ADAMTS2: variants seen among roughly 807,000 people sequenced by gnomAD.
The protein encoded by ADAMTS2 is A disintegrin and metalloproteinase with thrombospondin motifs 2.
Under a neutral mutation model 123.0 loss-of-function variants are expected in ADAMTS2, and 50 were observed. The ratio of observed to expected loss-of-function variants is 0.41; its 90% CI spans 0.32 to 0.51. The LOEUF (loss-of-function observed/expected upper bound fraction) is 0.51, where lower values mean the gene tolerates loss of function less well. ADAMTS2 is among the 20% of genes least tolerant of loss of function. The pLI is 0.35. For missense variants in ADAMTS2, 1,494 were observed against 1,705.2 expected (o/e 0.88, Z 2.18); for synonymous variants, 678 against 695.4 (o/e 0.98, Z 0.39).
intron 2 of ADAMTS2, among the ~76,000 whole-genome samples, chr5:179,300,392 T>C (rs1268725875): frequency 6.6e-6 from 1 of 152,256 alleles, no homozygotes; most frequent in African/African-American, 2.4e-5. Context: ...TTTTGTATGT[T>C]CAAAAGTAAT....
chr5:179,327,601 G>A (rs539123502), intron 2 of ADAMTS2, among the ~76,000 whole-genome samples: 3 of 152,246 alleles, frequency 2.0e-5, no homozygotes, highest in Admixed American at 6.5e-5. Flanking sequence ...TCCTGCGTTC[G>A]AAGCTCTACT....
intron 13 of ADAMTS2, among the ~76,000 whole-genome samples, chr5:179,133,547 G>A (rs1251981384): frequency 6.6e-6 from 1 of 151,956 alleles, no homozygotes; most frequent in African/African-American, 2.4e-5. Flanking sequence ...TGGGATTACA[G>A]TCCTGAGCCA....
chr5:179,305,274 C>G (rs1756638857), intron 2 of ADAMTS2, among the ~76,000 whole-genome samples: 1 of 152,146 alleles, frequency 6.6e-6, no homozygotes, highest in African/African-American at 2.4e-5. Flanking sequence ...GGAAGAGCAA[C>G]AGAAATACCT....
At chr5:179,244,468 A>T (rs1470227115) in intron 3 of ADAMTS2, among the ~76,000 whole-genome samples, 1 of 152,204 alleles carries the variant, frequency 6.6e-6, no homozygotes, top group Non-Finnish European at 1.5e-5. Context: ...AAAAACAGAG[A>T]ATTATGAGTA....
At position 179,112,563 on chromosome 5, in the gene ADAMTS2, C is replaced by T. The variant is rs1308998477; in HGVS notation, c.*1304G>A. The T allele has an allele frequency of 2.0e-5, 3 of 152,262 alleles. No individual in the cohort carries two copies. The highest frequency in any genetic ancestry group is 2.9e-5 in the Non-Finnish European group (2 of 68,084). The allele number at this position is 152,262 out of a possible 1,614,324, so 9.4% of individuals were successfully genotyped here. On this transcript the variant is annotated 3_prime_UTR_variant, in exon 22 of 22. Transcript: ENST00000251582. The stretch of plus-strand genomic sequence containing the variant: ...CCCATCTCCCACCCTAAGCCCCCAT[C>T]AGAGGCCACATTTTGCAGGTCACTG...
At chr5:179,218,049 C>T (rs939649303) in intron 3 of ADAMTS2, among the ~76,000 whole-genome samples, 3 of 152,186 alleles carry the variant, frequency 2.0e-5, no homozygotes, top group Admixed American at 1.3e-4. Context: ...TCCTAATGAC[C>T]GCCCTGCAGA....
At chr5:179,324,117 G>A (rs1757251459) in intron 2 of ADAMTS2, among the ~76,000 whole-genome samples, 1 of 152,204 alleles carries the variant, frequency 6.6e-6, no homozygotes, top group African/African-American at 2.4e-5. Context: ...GCAGAAGGTA[G>A]GTCAGTGGTT....
chr5:179,219,957 G>A (rs1765086691), intron 3 of ADAMTS2, among the ~76,000 whole-genome samples: 1 of 152,172 alleles, frequency 6.6e-6, no homozygotes, highest in African/African-American at 2.4e-5. Context: ...GCCTTCAGAG[G>A]CTGGGGCGGG....
At chr5:179,240,015 G>A (rs1467112951) in intron 3 of ADAMTS2, among the ~76,000 whole-genome samples, 1 of 152,164 alleles carries the variant, frequency 6.6e-6, no homozygotes, top group Non-Finnish European at 1.5e-5. Flanking sequence ...CACAGTGAGA[G>A]GAGAGGAATC....
chr5:179,150,325 G>A (rs1763331406), intron 10 of ADAMTS2, among the ~76,000 whole-genome samples: 1 of 152,228 alleles, frequency 6.6e-6, no homozygotes, highest in Non-Finnish European at 1.5e-5. Context: ...GAGGGCCTGT[G>A]GGAAGGGGAA....
chr5:179,146,986 G>A (rs746666801), intron 10 of ADAMTS2, among the ~76,000 whole-genome samples: 1 of 152,152 alleles, frequency 6.6e-6, no homozygotes, highest in Non-Finnish European at 1.5e-5. Flanking sequence ...TCTGCATCTC[G>A]CTTTCATTGC....
chr5:179,227,203 G>A (rs951347908), intron 3 of ADAMTS2, among the ~76,000 whole-genome samples: 4 of 152,140 alleles, frequency 2.6e-5, no homozygotes, highest in African/African-American at 9.7e-5. Context: ...CTGCCCTGCA[G>A]AAAGGAGCTG....
chr5:179,238,380 C>T (rs1278271585), intron 3 of ADAMTS2, among the ~76,000 whole-genome samples: 6 of 152,076 alleles, frequency 3.9e-5, no homozygotes, highest in African/African-American at 1.2e-4. Context: ...CTCTGTGGAG[C>T]GGCCACGCTA....
intron 2 of ADAMTS2, among the ~76,000 whole-genome samples, chr5:179,286,414 C>G (rs931039758): frequency 6.6e-6 from 1 of 151,668 alleles, no homozygotes; most frequent in Non-Finnish European, 1.5e-5. Flanking sequence ...CCAGCACTCC[C>G]AGAGACAGAG....
At position 179,128,616 on chromosome 5, in the gene ADAMTS2, C is replaced by T. The variant is rs1762902620; in HGVS notation, c.2458-498G>A. 6.6e-6 allele frequency among the ~76,000 whole-genome samples: 1 copy of T among 152,180 alleles called. No individual in the cohort carries two copies. ...CCATGTTGGCCAGGCTGGTCTTGAA[C>T]TCCTGACCTCAAGTGATCCACCCGC... is the stretch of plus-strand genomic sequence containing the variant. On this transcript the variant is annotated intron_variant, in intron 16 of 21. Coordinates refer to ENST00000251582, the MANE Select transcript of ADAMTS2 (RefSeq NM_014244.5). This position sits in a 1 kb window ranked among gnomAD's most constrained non-coding sequence, Gnocchi z 4.9.
In ADAMTS2 at chr5:179,181,181, G is replaced by A. The variant is rs373297165; in HGVS notation, c.892-26C>T. On this transcript the variant is annotated intron_variant, in intron 4 of 21. Coordinates refer to ENST00000251582, the MANE Select transcript of ADAMTS2 (RefSeq NM_014244.5). The surrounding 1 kb of genome is among the most constrained non-coding windows in gnomAD (Gnocchi z 4.1). ...CTGAAAGAAACAGGGAGGCATCAGC[G>A]GGAACCACAGGCCCTAGGACTGGCT... 147 of 1,547,716 alleles carry A rather than the reference G, an allele frequency of 9.5e-5. No homozygotes were observed. The highest frequency in any genetic ancestry group is 1.2e-4 in the Non-Finnish European group (133 of 1,119,932).
At chr5:179,301,642 C>T (rs1235709843) in intron 2 of ADAMTS2, among the ~76,000 whole-genome samples, 1 of 152,256 alleles carries the variant, frequency 6.6e-6, no homozygotes, top group Admixed American at 6.5e-5. Context: ...CACTGGGCAG[C>T]ACCTGAGTAA....
At position 179,158,956 on chromosome 5, in the gene ADAMTS2, G is replaced by A. The variant is rs1267209625; in HGVS notation, c.976-77C>T. On this transcript the variant is annotated intron_variant, in intron 5 of 21. Transcript: ENST00000251582. The surrounding 1 kb of genome is among the most constrained non-coding windows in gnomAD (Gnocchi z 5.0). ...AGTGGGGGGCCGAGCAGGCTGTAGT[G>A]TTGACAGACCCCATCCACTGGGAAT... 3 of 1,547,564 alleles carry A rather than the reference G, an allele frequency of 1.9e-6. No individual in the cohort carries two copies. The highest frequency in any genetic ancestry group is 1.4e-5 in the African/African-American group (1 of 73,314).
At chr5:179,156,909 G>A (rs182788455) in intron 6 of ADAMTS2, among the ~76,000 whole-genome samples, 6 of 135,152 alleles carry the variant, frequency 4.4e-5, no homozygotes, top group Admixed American at 4.4e-4. Flanking sequence ...GATTTCTTGT[G>A]TTTTGGTTTT....
Sources: allele counts gnomAD v4.1 joint callset (sites outside exome capture counted in the v4.1 genomes callset), GRCh38; gene constraint gnomAD v4.1.1; non-coding constraint Gnocchi (gnomAD v3.1); transcripts MANE v1.5; gene names NCBI Gene and HGNC (gene_info 2026-07-23, HGNC 2026-07-21).